FAM53B: variants seen among roughly 807,000 people sequenced by gnomAD.
FAM53B encodes the protein family with sequence similarity 53 member B.
FAM53B carries 12 observed loss-of-function variants against 32.7 expected under a neutral mutation model. The observed-to-expected ratio is 0.37, with a 90% CI of 0.24 to 0.59. The LOEUF (loss-of-function observed/expected upper bound fraction) is 0.59, where lower values mean the gene tolerates loss of function less well. Ranked by LOEUF, FAM53B falls within the 20% of genes least tolerant of loss-of-function variation. FAM53B has a pLI of 0.72. For synonymous variants in FAM53B, 234 were observed against 228.7 expected (o/e 1.02, Z -0.21); for missense variants, 477 against 577.7 (o/e 0.83, Z 1.79).
intron 1 of FAM53B, among the ~76,000 whole-genome samples, chr10:124,720,683 C>T (rs192127335): frequency 1.7e-4 from 26 of 152,236 alleles, no homozygotes; most frequent in African/African-American, 6.0e-4. Flanking sequence ...CTCATTCATT[C>T]AACAAACCCT....
chr10:124,691,485 A>AT (rs999058394), intron 3 of FAM53B, among the ~76,000 whole-genome samples: 3 of 151,906 alleles, frequency 2.0e-5, no homozygotes, highest in Non-Finnish European at 2.9e-5. Context: ...TTTCCATCCA[A>AT]TTTTTTTTAG....
chr10:124,701,177 T>A (rs1949912896), intron 2 of FAM53B, among the ~76,000 whole-genome samples: 1 of 152,204 alleles, frequency 6.6e-6, no homozygotes, highest in Non-Finnish European at 1.5e-5. Context: ...CTGCCAGAGA[T>A]CCTGGCTGGG....
At chr10:124,732,632 G>A (rs1213966361) in intron 1 of FAM53B, among the ~76,000 whole-genome samples, 2 of 152,190 alleles carry the variant, frequency 1.3e-5, no homozygotes, top group Admixed American at 1.3e-4. Context: ...GCCCAGGCGG[G>A]GGCATCACCT....
chr10:124,675,556 T>G (rs1000707908), intron 4 of FAM53B, among the ~76,000 whole-genome samples: 1 of 152,246 alleles, frequency 6.6e-6, no homozygotes, highest in East Asian at 1.9e-4. Context: ...CCCACACTCA[T>G]GAGCAACAGG....
At chr10:124,731,761 A>G (rs562656262) in intron 1 of FAM53B, among the ~76,000 whole-genome samples, 4 of 152,164 alleles carry the variant, frequency 2.6e-5, no homozygotes, top group East Asian at 1.9e-4. Flanking sequence ...TGCCACATGA[A>G]GTTTTGGCTG....
intron 4 of FAM53B, among the ~76,000 whole-genome samples, chr10:124,661,121 C>T (rs1015068867): frequency 6.6e-6 from 1 of 151,512 alleles, no homozygotes; most frequent in Admixed American, 6.6e-5. Flanking sequence ...GTGTGCTGAC[C>T]CCTTCTCTGA....
intron 4 of FAM53B, among the ~76,000 whole-genome samples, chr10:124,624,582 G>A (rs868153710): frequency 1.3e-5 from 2 of 152,320 alleles, no homozygotes; most frequent in Middle Eastern, 3.4e-3. Context: ...CTCCCTCTGT[G>A]TGCTCCCAGG....
chr10:124,656,147 TGAG>T (rs1187959445), intron 4 of FAM53B, among the ~76,000 whole-genome samples: 1 of 152,074 alleles, frequency 6.6e-6, no homozygotes, highest in East Asian at 1.9e-4. Flanking sequence ...ACAAAGGAAA[TGAG>T]GAGGAGGCCT....
intron 4 of FAM53B, among the ~76,000 whole-genome samples, chr10:124,671,639 T>C (rs897448013): frequency 6.6e-6 from 1 of 152,228 alleles, no homozygotes; most frequent in Non-Finnish European, 1.5e-5. Flanking sequence ...CTGTGGCCCT[T>C]CAGGGAGAGG....
At chr10:124,642,573 G>C (rs1438353947) in intron 4 of FAM53B, among the ~76,000 whole-genome samples, 1 of 152,200 alleles carries the variant, frequency 6.6e-6, no homozygotes, top group Non-Finnish European at 1.5e-5. Context: ...CAGCCAGAAT[G>C]GTTGCCATCC....
intron 3 of FAM53B, among the ~76,000 whole-genome samples, chr10:124,691,105 C>T (rs900319167): frequency 1.3e-5 from 2 of 152,190 alleles, no homozygotes; most frequent in Non-Finnish European, 2.9e-5. Context: ...CCATGACAAA[C>T]AGTGGCTGAG....
intron 4 of FAM53B, among the ~76,000 whole-genome samples, chr10:124,645,305 A>C (rs7096880): frequency 0.21 from 32,556 of 152,234 alleles, 3,660 homozygotes; most frequent in East Asian, 0.27. Context: ...TTAATTTTTT[A>C]AAATTGAAAA....
chr10:124,628,574 G>A (rs903538674), intron 4 of FAM53B, among the ~76,000 whole-genome samples: 1 of 152,182 alleles, frequency 6.6e-6, no homozygotes, highest in Non-Finnish European at 1.5e-5. Context: ...GCTTCACAGG[G>A]CCACTGCAAG....
rs762635595 is a variant in FAM53B at position 124,682,577 on chromosome 10, T to C, written c.134-198A>G. Among the ~76,000 whole-genome samples, 2 of 152,144 alleles carry C rather than the reference T, an allele frequency of 1.3e-5. No individual in the cohort carries two copies. Among genetic ancestry groups the C allele is most frequent in the Non-Finnish European group, 2.9e-5 (2 of 68,012 alleles). Reference sequence around the variant, plus strand: ...AGAAGTGAATCCCAAGGCTTTGAGTTGGAAGTTGGAAGCAGAGCAGGGCCT... The same window carrying C: ...AGAAGTGAATCCCAAGGCTTTGAGTCGGAAGTTGGAAGCAGAGCAGGGCCT... On this transcript the variant is annotated intron_variant, in intron 3 of 4. Transcript: ENST00000337318. The surrounding 1 kb of genome is among the most constrained non-coding windows in gnomAD (Gnocchi z 5.2).
At chr10:124,690,134 C>T (rs756816099) in intron 3 of FAM53B, among the ~76,000 whole-genome samples, 6 of 152,200 alleles carry the variant, frequency 3.9e-5, no homozygotes, top group Non-Finnish European at 8.8e-5. Flanking sequence ...ATTAAACCGA[C>T]GAGGGAACTG....
rs1332109549 is a variant in FAM53B at position 124,620,410 on chromosome 10, T to G, written c.*2832A>C. On this transcript the variant is annotated 3_prime_UTR_variant, in exon 5 of 5. Transcript: ENST00000337318. ...GCTTAGCCCGCGCTTTAGGACCCCATGAGCAGGCAGATGGCCTGGCACGGC... is the reference window on the plus strand; with the variant it reads ...GCTTAGCCCGCGCTTTAGGACCCCAGGAGCAGGCAGATGGCCTGGCACGGC... 1.5e-5 allele frequency: 2 copies of G among 137,224 alleles called. No homozygotes were observed. Among genetic ancestry groups the G allele is most frequent in the Non-Finnish European group, 3.0e-5 (2 of 66,172 alleles). 8.5% of individuals were successfully genotyped at this position (137,224 alleles called of 1,614,324 possible).
intron 4 of FAM53B, among the ~76,000 whole-genome samples, chr10:124,662,731 G>A (rs1027138129): frequency 6.6e-6 from 1 of 152,160 alleles, no homozygotes. Flanking sequence ...GGCTGAGGTG[G>A]GAGGATCACT....
intron 2 of FAM53B, 51 bp downstream of exon 2, chr10:124,706,585 A>G: frequency 6.2e-7 from 1 of 1,611,694 alleles, no homozygotes; most frequent in Non-Finnish European, 8.5e-7. Flanking sequence ...CTGTCTGTAC[A>G]TCAGGCCTCA....
At chr10:124,687,133 A>T (rs1350996619) in intron 3 of FAM53B, among the ~76,000 whole-genome samples, 1 of 152,222 alleles carries the variant, frequency 6.6e-6, no homozygotes, top group Non-Finnish European at 1.5e-5. Flanking sequence ...TCGCTCAGGG[A>T]ACAGAAAGCG....
Sources: gnomAD v4.1 joint callset for allele counts (sites outside exome capture counted in the v4.1 genomes callset) on GRCh38, gnomAD v4.1.1 for gene constraint, Gnocchi (gnomAD v3.1) non-coding constraint, MANE v1.5 for transcripts, NCBI Gene and HGNC (gene_info 2026-07-23, HGNC 2026-07-21) for gene names.